The following KIF6 variants were observed in gnomAD, a reference collection of about 807,000 sequenced individuals.
KIF6 encodes kinesin-like protein KIF6.
A neutral mutation model predicts 112.7 loss-of-function variants in KIF6; 106 were observed. The ratio of observed to expected loss-of-function variants is 0.94; its 90% CI spans 0.80 to 1.11. The LOEUF (loss-of-function observed/expected upper bound fraction) is 1.11. KIF6 is among the 50% of genes least tolerant of loss of function. The pLI, the probability that KIF6 is intolerant of heterozygous loss-of-function variation, is 0.00. For missense variants in KIF6, 929 were observed against 964.0 expected (o/e 0.96, Z 0.48); for synonymous variants, 339 against 339.9 (o/e 1.00, Z 0.03).
intron 10 of KIF6, among the ~76,000 whole-genome samples, chr6:39,567,932 A>G (rs1469478337): frequency 6.6e-6 from 1 of 152,214 alleles, no homozygotes; most frequent in Non-Finnish European, 1.5e-5. Flanking sequence ...ATTTCTATCA[A>G]CAGAGGCTGG....
At chr6:39,617,399 C>T (rs1441115403) in intron 5 of KIF6, among the ~76,000 whole-genome samples, 2 of 152,196 alleles carry the variant, frequency 1.3e-5, no homozygotes, top group Non-Finnish European at 2.9e-5. Context: ...CACCCTACCT[C>T]CACATTTCAG....
intron 3 of KIF6, among the ~76,000 whole-genome samples, chr6:39,708,549 GCA>G (rs1381747417): frequency 3.9e-5 from 6 of 152,110 alleles, no homozygotes; most frequent in African/African-American, 1.4e-4. Context: ...TCCTGCCAGT[GCA>G]CATTCTATTC....
intron 22 of KIF6, among the ~76,000 whole-genome samples, chr6:39,337,625 T>C (rs1427866679): frequency 6.6e-6 from 1 of 152,112 alleles, no homozygotes; most frequent in East Asian, 1.9e-4. Flanking sequence ...CCCATGGTTT[T>C]CATTGATGCT....
intron 6 of KIF6, among the ~76,000 whole-genome samples, chr6:39,598,812 A>C (rs574089018): frequency 3.3e-5 from 5 of 152,172 alleles, no homozygotes; most frequent in Admixed American, 6.6e-5. Context: ...AGATTGACAT[A>C]AATGGATTTC....
intron 13 of KIF6, among the ~76,000 whole-genome samples, chr6:39,495,837 G>A (rs1245630784): frequency 1.3e-5 from 2 of 152,276 alleles, no homozygotes; most frequent in East Asian, 1.9e-4. Context: ...CCGGATGGGG[G>A]AGGGGATGGA....
At position 39,333,574 on chromosome 6, in the gene KIF6, G is replaced by A. The variant is rs1463454769; in HGVS notation, c.*2958C>T. 1 of 152,236 alleles carries A rather than the reference G, an allele frequency of 6.6e-6. No homozygotes were observed. The highest frequency in any genetic ancestry group is 1.9e-4 in the East Asian group (1 of 5,196). The allele number at this position is 152,236 out of a possible 1,614,324, so 9.4% of individuals were successfully genotyped here. ...GAGAGCACAATTCAAGCCTCTGCCTGGATCAGGTTTGCCAACACCACATTA... is the reference window on the plus strand; with the variant it reads ...GAGAGCACAATTCAAGCCTCTGCCTAGATCAGGTTTGCCAACACCACATTA... On this transcript the variant is annotated 3_prime_UTR_variant, in exon 23 of 23. Coordinates refer to ENST00000287152, the MANE Select transcript of KIF6 (RefSeq NM_145027.6).
chr6:39,362,146 C>T (rs546892092), intron 17 of KIF6, among the ~76,000 whole-genome samples: 6 of 152,156 alleles, frequency 3.9e-5, no homozygotes, highest in East Asian at 3.9e-4. Context: ...CATAGGCACG[C>T]GGAAAACCAC....
At chr6:39,674,824 G>A (rs1787040657) in intron 3 of KIF6, among the ~76,000 whole-genome samples, 1 of 148,316 alleles carries the variant, frequency 6.7e-6, no homozygotes, top group African/African-American at 2.5e-5. Context: ...AGATAACTGA[G>A]TCAGGATTAA....
At chr6:39,363,224 T>C (rs1317574178) in intron 16 of KIF6, among the ~76,000 whole-genome samples, 1 of 152,136 alleles carries the variant, frequency 6.6e-6, no homozygotes, top group Non-Finnish European at 1.5e-5. Context: ...CTCTAAACCA[T>C]CTGACATCTT....
intron 13 of KIF6, among the ~76,000 whole-genome samples, chr6:39,467,650 G>A (rs1408697164): frequency 6.6e-6 from 1 of 152,090 alleles, no homozygotes; most frequent in Non-Finnish European, 1.5e-5. Flanking sequence ...GCCACTAGAC[G>A]AATAAACAAG....
intron 13 of KIF6, among the ~76,000 whole-genome samples, chr6:39,462,686 A>T (rs1028186912): frequency 1.3e-5 from 2 of 152,198 alleles, no homozygotes; most frequent in African/African-American, 4.8e-5. Flanking sequence ...GATATCTGAA[A>T]TGAGAGGCCC....
At chr6:39,506,427 T>A (rs1776431767) in intron 13 of KIF6, among the ~76,000 whole-genome samples, 1 of 151,942 alleles carries the variant, frequency 6.6e-6, no homozygotes, top group African/African-American at 2.4e-5. Context: ...AAAACCTAGG[T>A]GACAGATTGA....
intron 11 of KIF6, 26 bp from the exon 12 acceptor site, chr6:39,544,719 A>G: frequency 7.1e-7 from 1 of 1,413,868 alleles, no homozygotes; most frequent in Non-Finnish European, 9.7e-7. Context: ...AGAGCTTAGT[A>G]CCCATATCTC....
chr6:39,432,891 C>T (rs1206375140), intron 13 of KIF6, among the ~76,000 whole-genome samples: 1 of 152,142 alleles, frequency 6.6e-6, no homozygotes, highest in Non-Finnish European at 1.5e-5. Flanking sequence ...AGAGACCACA[C>T]TGGAGCCTGC....
At position 39,568,551 on chromosome 6, in the gene KIF6, CT is replaced by C. The variant is rs1285047955; in HGVS notation, c.1181+9504del. 2.9e-3 allele frequency among the ~76,000 whole-genome samples: 430 copies of C among 146,084 alleles called. 4 individuals carry two copies. Among genetic ancestry groups the C allele is most frequent in the African/African-American group, 8.7e-3 (350 of 40,050 alleles). On this transcript the variant is annotated intron_variant, in intron 10 of 22. Coordinates refer to ENST00000287152, the MANE Select transcript of KIF6 (RefSeq NM_145027.6). The stretch of plus-strand genomic sequence containing the variant: ...GAGATTTTTCATTTTCTTTTCTTTT[CT>C]TTTTTTTTTTAATTTGAGATGGAGT...
In KIF6 at chr6:39,332,435, C is replaced by G. The variant is rs1562097771; in HGVS notation, c.*4097G>C. Reference sequence around the variant, plus strand: ...TTTGTTTTGGGACTCATTGAAGTTACTTGGAAACTTACTGGAAACAATTTG... The same window carrying G: ...TTTGTTTTGGGACTCATTGAAGTTAGTTGGAAACTTACTGGAAACAATTTG... On this transcript the variant is annotated 3_prime_UTR_variant, in exon 23 of 23. Coordinates refer to ENST00000287152, the MANE Select transcript of KIF6 (RefSeq NM_145027.6). The G allele has an allele frequency of 2.0e-5, 3 of 152,244 alleles. No individual in the cohort carries two copies. In the South Asian group the frequency reaches 6.2e-4, roughly 32 times the overall value. 9.4% of individuals were successfully genotyped at this position (152,244 alleles called of 1,614,324 possible). A position where few individuals can be genotyped will look rare whatever the true frequency, so the allele number is the denominator to read the frequency against.
chr6:39,534,404 A>G (rs1778278635), intron 13 of KIF6, among the ~76,000 whole-genome samples: 1 of 152,256 alleles, frequency 6.6e-6, no homozygotes, highest in African/African-American at 2.4e-5. Flanking sequence ...CTCCAGAACT[A>G]CATGAAGAAT....
At chr6:39,382,290 AG>A (rs1767016149) in intron 16 of KIF6, among the ~76,000 whole-genome samples, 1 of 152,190 alleles carries the variant, frequency 6.6e-6, no homozygotes, top group African/African-American at 2.4e-5. Context: ...AGTAACCAAT[AG>A]GAAGTTTCTC....
rs1427243300 is a variant in KIF6 at position 39,342,460 on chromosome 6, AGTGCCTGGC to A, written c.2428+1240_2428+1248del. 6.6e-6 allele frequency among the ~76,000 whole-genome samples: 1 copy of A among 152,170 alleles called. No homozygotes were observed. The highest frequency in any genetic ancestry group is 1.9e-4 in the East Asian group (1 of 5,198). ...CTGCTGTAGCACCAGCACTAGTAGT[AGTGCCTGGC>A]ATAAGAAGGCACCCAACATATACAG... On this transcript the variant is annotated intron_variant, in intron 22 of 22. Transcript: ENST00000287152. The surrounding 1 kb of genome is among the most constrained non-coding windows in gnomAD (Gnocchi z 4.7).
Sources: allele counts gnomAD v4.1 joint callset (sites outside exome capture counted in the v4.1 genomes callset), GRCh38; gene constraint gnomAD v4.1.1; non-coding constraint Gnocchi (gnomAD v3.1); transcripts MANE v1.5; gene names NCBI Gene and HGNC (gene_info 2026-07-23, HGNC 2026-07-21).